The following BICDL2 variants were observed in gnomAD, a reference collection of about 807,000 sequenced individuals.
BICDL2 encodes BICD family like cargo adaptor 2, also known as BICD family-like cargo adapter 2.
In BICDL2, 62 loss-of-function variants were observed where a neutral mutation model predicts 56.6. The ratio of observed to expected loss-of-function variants is 1.10; its 90% CI spans 0.89 to 1.35. The LOEUF is 1.35. BICDL2 is among the 40% of genes most tolerant of loss of function. The pLI, the probability that BICDL2 is intolerant of heterozygous loss-of-function variation, is 0.00. For synonymous variants in BICDL2, 358 were observed against 319.8 expected, an observed-to-expected ratio of 1.12 and a Z score of -1.27; for missense variants, 808 against 684.5, an observed-to-expected ratio of 1.18 and a Z score of -2.01.
intron 2 of BICDL2, 22 bp downstream of exon 2, chr16:3,035,193 A>ACCCCCCCCCCCCCCCCC: frequency 1.4e-5 from 1 of 69,910 alleles, no homozygotes; most frequent in South Asian, 1.2e-4. Context: ...CCACCCACCC[A>ACCCCCCCCCCCCCCCCC]CCCCGTCCAG....
At position 3,027,787 on chromosome 16, in the gene BICDL2, G is replaced by A. The variant is rs1445239239; in HGVS notation, c.*319C>T. The A allele has an allele frequency of 1.3e-5, 14 of 1,046,386 alleles. No individual in the cohort carries two copies. Among genetic ancestry groups the A allele is most frequent in the African/African-American group, 3.3e-5 (2 of 61,488 alleles). The allele number at this position is 1,046,386 out of a possible 1,614,324, so 64.8% of individuals were successfully genotyped here. A position where few individuals can be genotyped will look rare whatever the true frequency, so the allele number is the denominator to read the frequency against. ...CTTTCTATGAATGGGGGCCAAATCGGTGGAGTGATTTATATATTACTCTGT... is the reference window on the plus strand; with the variant it reads ...CTTTCTATGAATGGGGGCCAAATCGATGGAGTGATTTATATATTACTCTGT... On this transcript the variant is annotated 3_prime_UTR_variant, in exon 10 of 10. Coordinates refer to ENST00000572449, the MANE Select transcript of BICDL2 (RefSeq NM_001369667.1).
At chr16:3,033,497 T>C (rs1412475632) in intron 2 of BICDL2, among the ~76,000 whole-genome samples, 1 of 151,434 alleles carries the variant, frequency 6.6e-6, no homozygotes, top group African/African-American at 2.4e-5. Context: ...TCAAGAAAGG[T>C]TGGCTGAGCG....
intron 1 of BICDL2, chr16:3,035,894 G>T: frequency 3.4e-6 from 1 of 296,256 alleles, no homozygotes; most frequent in South Asian, 3.4e-5. Context: ...CCAGAACCCA[G>T]GTTCTCAGGG....
intron 2 of BICDL2, among the ~76,000 whole-genome samples, chr16:3,033,475 GA>G (rs1266714129): frequency 2.0e-5 from 3 of 151,820 alleles, no homozygotes; most frequent in Non-Finnish European, 1.5e-5. Flanking sequence ...ATATTGGGGG[GA>G]ATTTGTTCAC....
chr16:3,028,432 CGA>C lies in BICDL2; in HGVS notation c.1273_1274del (p.Ser425AlafsTer78). ...LELSLQLNRV[S>X]LERDSLSREL... Reference sequence around the variant, plus strand: ...CCCGAGACAGGGAGTCTCGCTCCAGCGAGACGCGGTTGAGCTGCAGGGACAGC... The same window carrying C: ...CCCGAGACAGGGAGTCTCGCTCCAGCGACGCGGTTGAGCTGCAGGGACAGC... On this transcript the variant is annotated frameshift_variant, in exon 9 of 10. Transcript: ENST00000572449. LOFTEE classifies it high-confidence loss of function. The C allele has an allele frequency of 1.3e-6, 2 of 1,562,178 alleles. No homozygotes were observed. The highest frequency in any genetic ancestry group is 1.7e-6 in the Non-Finnish European group (2 of 1,162,826).
chr16:3,035,449 CCCTGAGAGCGGCCCGGACGGGAAGCTGG>C lies in BICDL2; in HGVS notation c.20_47del (p.Pro7ArgfsTer35). 2 of 1,612,184 alleles carry C rather than the reference CCCTGAGAGCGGCCCGGACGGGAAGCTGG, an allele frequency of 1.2e-6. No homozygotes were observed. The highest frequency in any genetic ancestry group is 2.2e-5 in the South Asian group (2 of 91,060). On this transcript the variant is annotated frameshift_variant, in exon 2 of 10. Coordinates refer to ENST00000572449, the MANE Select transcript of BICDL2 (RefSeq NM_001369667.1). LOFTEE classifies it high-confidence loss of function. ...CCTCGTCGCCGCTGGGAGAGGCGCC[CCCTGAGAGCGGCCCGGACGGGAAGCTGG>C]GCCCATCTGGAGAGCTCATGTCACC...
At chr16:3,036,681 A>G (rs2151146705) in intron 1 of BICDL2, 2 of 438,936 alleles carry the variant, frequency 4.6e-6, no homozygotes, top group South Asian at 3.1e-5. Context: ...CTAGCTGCCC[A>G]GGTGTTGGGG....
chr16:3,029,937 A>G (rs1314177114), intron 5 of BICDL2, 198 bp from the exon 6 acceptor site: 2 of 549,830 alleles, frequency 3.6e-6, no homozygotes, highest in Non-Finnish European at 6.3e-6. Flanking sequence ...TCGCCTATAG[A>G]GCAGGGCCGC....
rs769819722 is a variant in BICDL2, at chr16:3,030,680, C to T, written c.615+16G>A. On this transcript the variant is annotated intron_variant, in intron 4 of 9. Transcript: ENST00000572449. ...TTTTTGGCTCAGATAATCCCCCAGC[C>T]CCAGCTGACACTCACTTCCCCCTGC... is the stretch of plus-strand genomic sequence containing the variant. The T allele has an allele frequency of 1.2e-6, 2 of 1,606,596 alleles. No homozygotes were observed. The highest frequency in any genetic ancestry group is 1.7e-6 in the Non-Finnish European group (2 of 1,177,742).
chr16:3,035,883 C>T (rs1596485794), intron 1 of BICDL2: 1 of 304,228 alleles, frequency 3.3e-6, no homozygotes, highest in East Asian at 8.6e-5. Context: ...TGAGACAGTT[C>T]CCAGAACCCA....
At chr16:3,033,816 G>A (rs1486450587) in intron 2 of BICDL2, among the ~76,000 whole-genome samples, 2 of 151,958 alleles carry the variant, frequency 1.3e-5, no homozygotes, top group East Asian at 1.9e-4. Context: ...TAGAGAAAGA[G>A]TCCAAGGAGG....
Position 3,029,745 on chromosome 16 carries a change from G to A in BICDL2, c.763-6C>T. On this transcript the variant is annotated splice_polypyrimidine_tract_variant and splice_region_variant and intron_variant, in intron 5 of 9. Coordinates refer to ENST00000572449, the MANE Select transcript of BICDL2 (RefSeq NM_001369667.1). ...TCTGACCGTGCGCGTTCCAGCTGTG[G>A]ACGGTCCCGCAGACGGAAGCGCGGG... is the stretch of plus-strand genomic sequence containing the variant. The A allele has an allele frequency of 6.7e-7, 1 of 1,487,866 alleles. No individual in the cohort carries two copies. The highest frequency in any genetic ancestry group is 8.9e-7 in the Non-Finnish European group (1 of 1,127,508). The allele number at this position is 1,487,866 out of a possible 1,614,324, so 92.2% of individuals were successfully genotyped here.
intron 2 of BICDL2, among the ~76,000 whole-genome samples, chr16:3,034,478 C>T (rs982451945): frequency 6.6e-6 from 1 of 152,078 alleles, no homozygotes; most frequent in Non-Finnish European, 1.5e-5. Context: ...GACGGGGTTT[C>T]ACCATGTTGG....
At chr16:3,029,103 T>C (rs1426465213) in intron 7 of BICDL2, among the ~76,000 whole-genome samples, 177 bp downstream of exon 7, 2 of 152,236 alleles carry the variant, frequency 1.3e-5, no homozygotes, top group Non-Finnish European at 1.5e-5. Flanking sequence ...AGAGGTGCTG[T>C]CCAGGAAGTC....
rs529980481 is a variant in BICDL2 at position 3,027,882 on chromosome 16, A to G, written c.*224T>C. 4 of 818,972 alleles carry G rather than the reference A, an allele frequency of 4.9e-6. No individual in the cohort carries two copies. The South Asian group carries it at 8.1e-5, about 17-fold the overall frequency. 50.7% of individuals were successfully genotyped at this position (818,972 alleles called of 1,614,324 possible). A position where few individuals can be genotyped will look rare whatever the true frequency, so the allele number is the denominator to read the frequency against. ...AAGATAGACGTATATTAATTCGGAA[A>G]ATAGCTCTGTTCACCTGCCCCTGCC... On this transcript the variant is annotated 3_prime_UTR_variant, in exon 10 of 10. Coordinates refer to ENST00000572449, the MANE Select transcript of BICDL2 (RefSeq NM_001369667.1).
Position 3,035,398 on chromosome 16 carries a change from C to G in BICDL2, c.99G>C (p.Arg33=). The change falls in exon 2 of 10, where the codon CGG becomes CGC. Residue 33 remains arginine, a synonymous_variant. Transcript: ENST00000572449. The part of the protein sequence containing the change: ...DEGFFPFVLE[R]RDSFLGGGPG... ...GGCCCCCTCCCAGGAATGAGTCCCG[C>G]CGCTCCAGCACAAAGGGGAAGAAGC... 6.2e-7 allele frequency: 1 copy of G among 1,612,050 alleles called. No individual in the cohort carries two copies.
chr16:3,029,804 G>A, intron 5 of BICDL2, 65 bp from the exon 6 acceptor site: 2 of 1,369,558 alleles, frequency 1.5e-6, no homozygotes, highest in Non-Finnish European at 1.9e-6. Context: ...CCGACATCCC[G>A]CGGCAGGTCC....
Position 3,030,760 on chromosome 16 carries a change from T to C in BICDL2, c.551A>G (p.Gln184Arg), listed in dbSNP as rs1955641482. 1.2e-6 allele frequency: 2 copies of C among 1,612,788 alleles called. No individual in the cohort carries two copies. Among genetic ancestry groups the C allele is most frequent in the East Asian group, 2.2e-5 (1 of 44,890 alleles). ...LQRELDALRG[Q>R]CQAQALAGAE... is the part of the protein sequence containing the mutation. ...TCCAGCCAGTGCCTGAGCCTGGCACTGTCCCCGAAGGGCGTCCAGTTCCCT... is the reference window on the plus strand; with the variant it reads ...TCCAGCCAGTGCCTGAGCCTGGCACCGTCCCCGAAGGGCGTCCAGTTCCCT... Residue 184 changes from glutamine (Q) to arginine (R), a missense_variant, in exon 4 of 10, where the codon CAG (glutamine) becomes CGG (arginine). By Grantham distance (43) the Gln-to-Arg change is conservative. Transcript: ENST00000572449.
In BICDL2 at chr16:3,027,887, C is replaced by T. The variant is rs549701898; in HGVS notation, c.*219G>A. ...AGACGTATATTAATTCGGAAAATAGCTCTGTTCACCTGCCCCTGCCACCCA... is the reference window on the plus strand; with the variant it reads ...AGACGTATATTAATTCGGAAAATAGTTCTGTTCACCTGCCCCTGCCACCCA... On this transcript the variant is annotated 3_prime_UTR_variant, in exon 10 of 10. Coordinates refer to ENST00000572449, the MANE Select transcript of BICDL2 (RefSeq NM_001369667.1). The T allele has an allele frequency of 5.9e-5, 48 of 816,756 alleles. No homozygotes were observed. The African/African-American group carries it at 7.6e-4, about 13-fold the overall frequency. The allele number at this position is 816,756 out of a possible 1,614,324, so 50.6% of individuals were successfully genotyped here. A position where few individuals can be genotyped will look rare whatever the true frequency, so the allele number is the denominator to read the frequency against.
Sources: gnomAD v4.1 joint callset for allele counts (sites outside exome capture counted in the v4.1 genomes callset) on GRCh38, gnomAD v4.1.1 for gene constraint, MANE v1.5 for transcripts, NCBI Gene and HGNC (gene_info 2026-07-23, HGNC 2026-07-21) for gene names.